RANBP2: variants seen among roughly 807,000 people sequenced by gnomAD.
RANBP2 encodes the protein E3 SUMO-protein ligase RanBP2.
RANBP2 carries 57 observed loss-of-function variants against 303.6 expected under a neutral mutation model. The ratio of observed to expected loss-of-function variants is 0.19; its 90% CI spans 0.15 to 0.23. The LOEUF is 0.23. Among genes scored for constraint, RANBP2 ranks in the 10% least tolerant of loss-of-function variants. The probability of loss-of-function intolerance (pLI) is 1.00; values close to 1 mark genes in which losing one functional copy is unlikely to be tolerated. For missense variants in RANBP2, 3,138 were observed against 3,780.8 expected (o/e 0.83, Z 4.46); for synonymous variants, 1,167 against 1,301.5 (o/e 0.90, Z 2.23).
the RANBP2 span, among the ~76,000 whole-genome samples, chr2:109,561,921 C>A: frequency 4.6e-5 from 7 of 152,140 alleles, no homozygotes. Context: ...CCAAGGCAGG[C>A]AGATCACTTT....
At chr2:109,287,877 T>C in the RANBP2 span, among the ~76,000 whole-genome samples, 1 of 152,234 alleles carries the variant, frequency 6.6e-6, no homozygotes, top group East Asian at 1.9e-4. Flanking sequence ...GTTTTTCTTT[T>C]GCTAACTCCC....
chr2:109,131,863 G>C, the RANBP2 span, among the ~76,000 whole-genome samples: 1 of 152,184 alleles, frequency 6.6e-6, no homozygotes, highest in Non-Finnish European at 1.5e-5. Context: ...TTGTTTAATA[G>C]ACGAGCACTT....
chr2:109,499,514 C>G, the RANBP2 span, among the ~76,000 whole-genome samples: 1 of 152,180 alleles, frequency 6.6e-6, no homozygotes, highest in African/African-American at 2.4e-5. Context: ...AGGGGCCCAG[C>G]CAGGCTTCGG....
chr2:109,252,273 C>A, the RANBP2 span, among the ~76,000 whole-genome samples: 1 of 150,340 alleles, frequency 6.7e-6, no homozygotes, highest in African/African-American at 2.5e-5. Flanking sequence ...AAAAAACTTT[C>A]AACATTATAA....
chr2:108,780,373 T>TG (rs1403205093), intron 25 of RANBP2, among the ~76,000 whole-genome samples: 1 of 148,424 alleles, frequency 6.7e-6, no homozygotes, highest in African/African-American at 2.5e-5. Flanking sequence ...TTTTTTTTTT[T>TG]TTTTTTTTAA....
At chr2:109,690,088 C>A in the RANBP2 span, among the ~76,000 whole-genome samples, 3 of 152,110 alleles carry the variant, frequency 2.0e-5, no homozygotes, top group South Asian at 4.1e-4. Context: ...GTACTGTGAA[C>A]CCTGAATGTA....
chr2:109,266,093 C>T, the RANBP2 span, among the ~76,000 whole-genome samples: 3 of 147,940 alleles, frequency 2.0e-5, no homozygotes, highest in Non-Finnish European at 3.0e-5. Context: ...GTGTGTTGTG[C>T]GTGCATGTGT....
chr2:108,734,363 T>C (rs1377660628), intron 4 of RANBP2, among the ~76,000 whole-genome samples: 5 of 151,936 alleles, frequency 3.3e-5, no homozygotes, highest in Non-Finnish European at 7.4e-5. Flanking sequence ...AGAAAGTGAG[T>C]ATTAGTACTA....
At chr2:108,934,617 C>T in the RANBP2 span, among the ~76,000 whole-genome samples, 2 of 152,146 alleles carry the variant, frequency 1.3e-5, no homozygotes, top group South Asian at 2.1e-4. Flanking sequence ...TGGCTGCATC[C>T]GGTGAGAGCC....
At chr2:108,808,820 G>C in the RANBP2 span, among the ~76,000 whole-genome samples, 2 of 151,712 alleles carry the variant, frequency 1.3e-5, no homozygotes, top group East Asian at 3.9e-4. Flanking sequence ...TCTTTTTATT[G>C]TTTCCAATCT....
the RANBP2 span, among the ~76,000 whole-genome samples, chr2:109,681,112 G>A: frequency 3.3e-5 from 5 of 152,212 alleles, no homozygotes; most frequent in African/African-American, 1.2e-4. Flanking sequence ...ACTAACTGCA[G>A]TCTTCTCGAT....
chr2:109,705,222 T>C, the RANBP2 span, among the ~76,000 whole-genome samples: 5 of 151,988 alleles, frequency 3.3e-5, no homozygotes, highest in Non-Finnish European at 5.9e-5. Flanking sequence ...CTGACCAATA[T>C]GGAGAAACCC....
chr2:108,827,483 A>T, the RANBP2 span, among the ~76,000 whole-genome samples: 1 of 152,052 alleles, frequency 6.6e-6, no homozygotes, highest in South Asian at 2.1e-4. Context: ...ATTTATTATG[A>T]CATCAGTTCT....
intron 8 of RANBP2, 86 bp from the exon 9 acceptor site, chr2:108,748,834 C>A: frequency 6.2e-7 from 1 of 1,610,340 alleles, no homozygotes; most frequent in South Asian, 1.1e-5. Context: ...CATGTTATTT[C>A]CCCTTTGGGT....
chr2:109,186,093 T>C, the RANBP2 span, among the ~76,000 whole-genome samples: 6 of 152,240 alleles, frequency 3.9e-5, no homozygotes, highest in Admixed American at 6.5e-5. Flanking sequence ...CCAGGGTGAT[T>C]TTAACTTCAG....
the RANBP2 span, among the ~76,000 whole-genome samples, chr2:109,573,959 G>A: frequency 0.064 from 9,802 of 152,054 alleles, 750 homozygotes; most frequent in East Asian, 0.24. Flanking sequence ...CTTAATAGTG[G>A]CATAAAGTAA....
chr2:109,034,858 T>C, the RANBP2 span, among the ~76,000 whole-genome samples: 1 of 152,176 alleles, frequency 6.6e-6, no homozygotes, highest in African/African-American at 2.4e-5. Context: ...GGTTAGATTA[T>C]CCAAAAGATT....
chr2:109,411,229 G>A, the RANBP2 span, among the ~76,000 whole-genome samples: 1 of 152,316 alleles, frequency 6.6e-6, no homozygotes, highest in Non-Finnish European at 1.5e-5. Flanking sequence ...GTACATCCAG[G>A]CAGTGCGCAG....
intron 1 of RANBP2, among the ~76,000 whole-genome samples, chr2:108,728,617 AT>A (rs1694927051): frequency 6.7e-6 from 1 of 149,886 alleles, no homozygotes; most frequent in African/African-American, 2.5e-5. Flanking sequence ...GATGATGATG[AT>A]GATGATGATG....
Sources: gnomAD v4.1 joint callset for allele counts (sites outside exome capture counted in the v4.1 genomes callset) on GRCh38, gnomAD v4.1.1 for gene constraint, MANE v1.5 for transcripts, NCBI Gene and HGNC (gene_info 2026-07-23, HGNC 2026-07-21) for gene names.